AGGF1: variants seen among roughly 807,000 people sequenced by gnomAD.
AGGF1 encodes angiogenic factor with G-patch and FHA domains 1.
A neutral mutation model predicts 86.5 loss-of-function variants in AGGF1; 56 were observed. The observed-to-expected ratio is 0.65, with a 90% CI of 0.52 to 0.81. AGGF1 has a LOEUF of 0.81. Ranked by LOEUF, AGGF1 falls within the 30% of genes least tolerant of loss-of-function variation. The pLI is 0.00. For synonymous variants in AGGF1, 313 were observed against 297.1 expected, an observed-to-expected ratio of 1.05 and a Z score of -0.55; for missense variants, 816 against 850.9, an observed-to-expected ratio of 0.96 and a Z score of 0.51.
chr5:77,030,659 G>A lies in AGGF1; in HGVS notation c.-108G>A. On this transcript the variant is annotated 5_prime_UTR_variant, in exon 1 of 14. Transcript: ENST00000312916. ...GGCCACCGCGGCCAGCCGGGTGTGA[G>A]GCTGCCTTTCGCTGCCCGCGCGCTC... The A allele has an allele frequency of 6.2e-6, 8 of 1,295,848 alleles. No individual in the cohort carries two copies. The South Asian group carries it at 1.0e-4, about 17-fold the overall frequency. 80.3% of individuals were successfully genotyped at this position (1,295,848 alleles called of 1,614,324 possible).
chr5:77,042,710 G>A (rs1322312812), intron 5 of AGGF1, among the ~76,000 whole-genome samples: 1 of 34,698 alleles, frequency 2.9e-5, no homozygotes, highest in Non-Finnish European at 7.7e-5. Context: ...AGGGGCGGCC[G>A]GGCAGAGGCG....
intron 1 of AGGF1, among the ~76,000 whole-genome samples, chr5:77,033,400 A>G (rs1270242288): frequency 1.3e-5 from 2 of 152,216 alleles, no homozygotes; most frequent in Non-Finnish European, 2.9e-5. Flanking sequence ...TATCTAAAGC[A>G]TCAAGTATAG....
rs540788769 is a variant in AGGF1 at position 77,035,758 on chromosome 5, A to C, written c.516+15A>C. ...CAAATTCACAGGTAATAAAATGCTA[A>C]ACATGAAACTGTTGATGCCCAAGAA... On this transcript the variant is annotated intron_variant, in intron 3 of 13. Coordinates refer to ENST00000312916, the MANE Select transcript of AGGF1 (RefSeq NM_018046.5). The C allele has an allele frequency of 1.2e-6, 2 of 1,604,104 alleles. No homozygotes were observed. The highest frequency in any genetic ancestry group is 1.7e-5 in the Admixed American group (1 of 59,984).
chr5:77,063,274 C>A lies in AGGF1; in HGVS notation c.*22C>A. On this transcript the variant is annotated 3_prime_UTR_variant, in exon 14 of 14. Coordinates refer to ENST00000312916, the MANE Select transcript of AGGF1 (RefSeq NM_018046.5). ...GTGAAGGCTAATCATAGAAAAAAAA[C>A]CTCTAGTTTTTTTAAAAATAGAATT... 3.6e-6 allele frequency: 5 copies of A among 1,381,096 alleles called. No homozygotes were observed. The highest frequency in any genetic ancestry group is 5.1e-6 in the Non-Finnish European group (5 of 971,262). 85.6% of individuals were successfully genotyped at this position (1,381,096 alleles called of 1,614,324 possible). A position where few individuals can be genotyped will look rare whatever the true frequency, so the allele number is the denominator to read the frequency against.
At position 77,059,660 on chromosome 5, in the gene AGGF1, T is replaced by C. The variant is rs1386123652; in HGVS notation, c.1761T>C (p.Tyr587=). 5.0e-6 allele frequency: 8 copies of C among 1,612,784 alleles called. No individual in the cohort carries two copies. The highest frequency in any genetic ancestry group is 2.2e-5 in the East Asian group (1 of 44,882). Residue 587 remains tyrosine, a synonymous_variant, in exon 12 of 14, where the codon TAT becomes TAC. Transcript: ENST00000312916. ...AAAAGACATTGAAGAATCCAAAATATAAAGATAGAGCTGGAAAACGTAGGG... is the reference window on the plus strand; with the variant it reads ...AAAAGACATTGAAGAATCCAAAATACAAAGATAGAGCTGGAAAACGTAGGG... The part of the protein sequence containing the change: ...EDEKTLKNPK[Y]KDRAGKRREQ...
rs1746951744 is a variant in AGGF1, at chr5:77,035,587, A to G, written c.360A>G (p.Lys120=). The change falls in exon 3 of 14, where the codon AAA becomes AAG. Residue 120 remains lysine (K), a synonymous_variant. Coordinates refer to ENST00000312916, the MANE Select transcript of AGGF1 (RefSeq NM_018046.5). ...ACAATGACGTTAGTCTTCCAAATAAAGTGACTGAACTGTCAGATCAACAAG... is the reference window on the plus strand; with the variant it reads ...ACAATGACGTTAGTCTTCCAAATAAGGTGACTGAACTGTCAGATCAACAAG... ...TYYNDVSLPN[K]VTELSDQQDQ... is the part of the protein sequence containing the mutation. 2 of 1,613,460 alleles carry G rather than the reference A, an allele frequency of 1.2e-6. No individual in the cohort carries two copies. Among genetic ancestry groups the G allele is most frequent in the South Asian group, 1.1e-5 (1 of 91,042 alleles).
At chr5:77,048,653 A>G (rs1221062470) in intron 7 of AGGF1, among the ~76,000 whole-genome samples, 1 of 152,192 alleles carries the variant, frequency 6.6e-6, no homozygotes, top group Non-Finnish European at 1.5e-5. Flanking sequence ...CCTGGCCATT[A>G]TGTTAAGCAT....
intron 1 of AGGF1, among the ~76,000 whole-genome samples, chr5:77,031,955 C>T (rs550772516): frequency 6.6e-6 from 1 of 152,158 alleles, no homozygotes; most frequent in South Asian, 2.1e-4. Context: ...ACCTTGTTGG[C>T]AGGCCCTCTC....
chr5:77,046,297 G>C, intron 5 of AGGF1, 50 bp from the exon 6 acceptor site: 2 of 1,435,316 alleles, frequency 1.4e-6, no homozygotes, highest in Non-Finnish European at 2.0e-6. Flanking sequence ...AGATAGTGAT[G>C]TTTAAGAGTA....
Position 77,065,149 on chromosome 5 carries a change from G to C in AGGF1, c.*1897G>C, listed in dbSNP as rs1742775269. The stretch of plus-strand genomic sequence containing the variant: ...CTTTGTAAATTGTAAAAGTAGTACA[G>C]ATGTGAGCTTCTATTTGTTTAGAAG... On this transcript the variant is annotated 3_prime_UTR_variant, in exon 14 of 14. Transcript: ENST00000312916. The C allele has an allele frequency of 6.6e-6, 1 of 152,170 alleles. No homozygotes were observed. The highest frequency in any genetic ancestry group is 2.4e-5 in the African/African-American group (1 of 41,450). 9.4% of individuals were successfully genotyped at this position (152,170 alleles called of 1,614,324 possible). A position where few individuals can be genotyped will look rare whatever the true frequency, so the allele number is the denominator to read the frequency against.
chr5:77,051,147 T>TG (rs1747366273), intron 8 of AGGF1, among the ~76,000 whole-genome samples: 2 of 151,950 alleles, frequency 1.3e-5, no homozygotes, highest in Non-Finnish European at 1.5e-5. Flanking sequence ...ATTAAGAGTT[T>TG]GGGGGGTTGG....
intron 5 of AGGF1, 27 bp downstream of exon 5, chr5:77,039,746 G>A (rs528431655): frequency 7.0e-5 from 112 of 1,590,842 alleles, no homozygotes; most frequent in Non-Finnish European, 8.9e-5. Flanking sequence ...TTTAAAAATT[G>A]ACATAATGGT....
intron 12 of AGGF1, among the ~76,000 whole-genome samples, chr5:77,060,119 G>T (rs1282006241): frequency 6.6e-6 from 1 of 152,184 alleles, no homozygotes; most frequent in African/African-American, 2.4e-5. Context: ...TGGGATTACC[G>T]GCGTGAGCTA....
At position 77,063,978 on chromosome 5, in the gene AGGF1, G is replaced by C. The variant is rs962054527; in HGVS notation, c.*726G>C. 2.0e-5 allele frequency: 3 copies of C among 152,566 alleles called. No individual in the cohort carries two copies. Among genetic ancestry groups the C allele is most frequent in the Non-Finnish European group, 2.9e-5 (2 of 68,028 alleles). The allele number at this position is 152,566 out of a possible 1,614,324, so 9.5% of individuals were successfully genotyped here. A position where few individuals can be genotyped will look rare whatever the true frequency, so the allele number is the denominator to read the frequency against. ...TTTGATAAAGACCATTGCAGGCAAT[G>C]GAATTGTGCCAGAGAAATCTGATTT... On this transcript the variant is annotated 3_prime_UTR_variant, in exon 14 of 14. Coordinates refer to ENST00000312916, the MANE Select transcript of AGGF1 (RefSeq NM_018046.5).
In AGGF1 at chr5:77,053,984, C is replaced by T; in HGVS notation, c.1487C>T (p.Pro496Leu). 1 of 1,614,094 alleles carries T rather than the reference C, an allele frequency of 6.2e-7. No homozygotes were observed. The highest frequency in any genetic ancestry group is 8.5e-7 in the Non-Finnish European group (1 of 1,180,022). ...QILQPKTKCDPYVLEHGDEVK... is the reference protein window; with the variant it reads ...QILQPKTKCDLYVLEHGDEVK... ...CTCTAGCCGAAAACTAAATGTGACC[C>T]TTACGTACTTGAGCATGGAGATGAA... The change falls in exon 10 of 14, where the codon CCT becomes CTT. Residue 496 changes from proline (P) to leucine (L), a missense_variant. Pro to Leu is a moderately conservative substitution (Grantham distance 98). Coordinates refer to ENST00000312916, the MANE Select transcript of AGGF1 (RefSeq NM_018046.5).
intron 1 of AGGF1, among the ~76,000 whole-genome samples, chr5:77,031,442 T>C (rs1411579088): frequency 6.6e-6 from 1 of 152,250 alleles, no homozygotes; most frequent in Non-Finnish European, 1.5e-5. Flanking sequence ...AACTTTTGAA[T>C]GCTATACCTG....
chr5:77,034,514 A>G lies in AGGF1; in HGVS notation c.307A>G (p.Ile103Val), dbSNP rs141178575. The part of the protein sequence containing the change: ...VQTENHAPWS[I>V]SDYFYQTYYN... ...AACAGAGAACCATGCTCCTTGGTCAATCTCAGGTATTTAGCTTATAGTGAG... is the reference window on the plus strand; with the variant it reads ...AACAGAGAACCATGCTCCTTGGTCAGTCTCAGGTATTTAGCTTATAGTGAG... The change falls in exon 2 of 14, where the codon ATC (isoleucine) becomes GTC (valine). Residue 103 changes from isoleucine (I) to valine (V), a missense_variant. Transcript: ENST00000312916. 32 of 1,603,836 alleles carry G rather than the reference A, an allele frequency of 2.0e-5. No homozygotes were observed. The highest frequency in any genetic ancestry group is 1.9e-4 in the African/African-American group (14 of 74,706).
chr5:77,031,175 A>G (rs1580120746), intron 1 of AGGF1, among the ~76,000 whole-genome samples, 199 bp downstream of exon 1: 2 of 152,252 alleles, frequency 1.3e-5, no homozygotes, highest in East Asian at 1.9e-4. Flanking sequence ...ATTTAAATCA[A>G]TGTCTCGCGG....
chr5:77,053,644 C>G (rs370589114), intron 9 of AGGF1, among the ~76,000 whole-genome samples: 1 of 152,168 alleles, frequency 6.6e-6, no homozygotes, highest in South Asian at 2.1e-4. Flanking sequence ...ATTCTCTTAA[C>G]ATTTCATCTT....
Sources: allele counts gnomAD v4.1 joint callset (sites outside exome capture counted in the v4.1 genomes callset), GRCh38; gene constraint gnomAD v4.1.1; transcripts MANE v1.5; gene names NCBI Gene and HGNC (gene_info 2026-07-23, HGNC 2026-07-21).